DNAJC10: variants seen among roughly 807,000 people sequenced by gnomAD.
DNAJC10 encodes the protein DnaJ heat shock protein family (Hsp40) member C10.
Under a neutral mutation model 115.0 loss-of-function variants are expected in DNAJC10, and 101 were observed. The observed-to-expected ratio is 0.88, with a 90% confidence interval of 0.75 to 1.04. The LOEUF (loss-of-function observed/expected upper bound fraction) is 1.04. DNAJC10 is among the 50% of genes least tolerant of loss of function. DNAJC10 has a pLI of 0.00. For synonymous variants in DNAJC10, 307 were observed against 301.5 expected (o/e 1.02, Z -0.19); for missense variants, 981 against 928.8 (o/e 1.06, Z -0.73).
Position 182,771,047 on chromosome 2 carries a change from G to A in DNAJC10, c.2266-4269G>A, listed in dbSNP as rs1334313927. ...TTGAATTTTGTCAAAGGCCTTTTCT[G>A]CATCTATTGAGATAATCATGTAGTT... On this transcript the variant is annotated intron_variant, in intron 22 of 23. Coordinates refer to ENST00000264065, the MANE Select transcript of DNAJC10 (RefSeq NM_018981.4). Among the ~76,000 whole-genome samples the A allele has an allele frequency of 2.0e-5, 3 of 152,114 alleles. No homozygotes were observed. The East Asian group carries it at 5.8e-4, about 29-fold the overall frequency.
chr2:182,739,745 GT>G, intron 11 of DNAJC10: 1 of 1,002,564 alleles, frequency 1.0e-6, no homozygotes, highest in Non-Finnish European at 1.2e-6. Context: ...CTCCTAAGTG[GT>G]TTGGTTTTTA....
At chr2:182,748,365 TCTTTTTGTTTGGTAAG>T in intron 14 of DNAJC10, among the ~76,000 whole-genome samples, 1 of 152,348 alleles carries the variant, frequency 6.6e-6, no homozygotes, top group Admixed American at 6.5e-5. Context: ...GGTCCTGGAC[TCTTTTTGTTTGGTAAG>T]CTATTGATTA....
At position 182,762,718 on chromosome 2, in the gene DNAJC10, T is replaced by C; in HGVS notation, c.2182T>C (p.Cys728Arg). Reference sequence around the variant, plus strand: ...AAAAGTGAAAGCTGGAAAAGTAGACTGTCAGGCTTATGCTCAGACATGCCA... The same window carrying C: ...AAAAGTGAAAGCTGGAAAAGTAGACCGTCAGGCTTATGCTCAGACATGCCA... ...KGKVKAGKVD[C>R]QAYAQTCQKA... Residue 728 changes from cysteine to arginine, a missense_variant, in exon 22 of 24, where the codon TGT (cysteine) becomes CGT (arginine). Transcript: ENST00000264065. The C allele has an allele frequency of 6.2e-7, 1 of 1,612,700 alleles. No individual in the cohort carries two copies. Among genetic ancestry groups the C allele is most frequent in the East Asian group, 2.2e-5 (1 of 44,812 alleles).
rs1252093608 is a variant in DNAJC10, at chr2:182,791,779, CAT to C, written c.*14648_*14649del. ...AACAGGAGTTTAGTCATTTCAGTCACATGTTTCTAATACATGATAAGATTTGC... is the reference window on the plus strand; with the variant it reads ...AACAGGAGTTTAGTCATTTCAGTCACGTTTCTAATACATGATAAGATTTGC... On this transcript the variant is annotated 3_prime_UTR_variant, in exon 24 of 24. Coordinates refer to ENST00000264065, the MANE Select transcript of DNAJC10 (RefSeq NM_018981.4). 4.6e-5 allele frequency: 7 copies of C among 152,128 alleles called. No homozygotes were observed. Among genetic ancestry groups the C allele is most frequent in the East Asian group, 1.9e-4 (1 of 5,200 alleles). 9.4% of individuals were successfully genotyped at this position (152,128 alleles called of 1,614,324 possible). A position where few individuals can be genotyped will look rare whatever the true frequency, so the allele number is the denominator to read the frequency against.
At chr2:182,759,806 A>G (rs532775544) in intron 21 of DNAJC10, among the ~76,000 whole-genome samples, 66 of 152,188 alleles carry the variant, frequency 4.3e-4, no homozygotes, top group African/African-American at 1.5e-3. Context: ...ATTCCATACC[A>G]AAATCTGTGC....
In DNAJC10 at chr2:182,722,042, C is replaced by A; in HGVS notation, c.385C>A (p.Pro129Thr). ...AAAATTAGGTATTTATGATGATGAT[C>A]CTGAAATCATAACATTGGAAAGAAG... ...RYDFGIYDDDPEIITLERREF... is the reference protein window; with the variant it reads ...RYDFGIYDDDTEIITLERREF... The change falls in exon 5 of 24, where the codon CCT (proline) becomes ACT (threonine). Residue 129 changes from proline to threonine, a missense_variant. Coordinates refer to ENST00000264065, the MANE Select transcript of DNAJC10 (RefSeq NM_018981.4). 6.5e-7 allele frequency: 1 copy of A among 1,546,418 alleles called. No individual in the cohort carries two copies. The highest frequency in any genetic ancestry group is 8.8e-7 in the Non-Finnish European group (1 of 1,142,544).
intron 10 of DNAJC10, chr2:182,732,847 T>A: frequency 2.7e-6 from 1 of 371,414 alleles, no homozygotes; most frequent in Non-Finnish European, 4.8e-6. Context: ...TCTTTTGTTG[T>A]TTTCTTTTTT....
At chr2:182,768,731 A>T (rs1310072902) in intron 22 of DNAJC10, among the ~76,000 whole-genome samples, 1 of 152,092 alleles carries the variant, frequency 6.6e-6, no homozygotes, top group Non-Finnish European at 1.5e-5. Flanking sequence ...TAGGAGATAC[A>T]TGTTGCTTTC....
chr2:182,732,365 C>A lies in DNAJC10; in HGVS notation c.806-134C>A, dbSNP rs966708315. ...ATGTGTGTGTGTGTAGAAGGATTTC[C>A]ATATCTATCAATAGAGTCCAGCTCA... On this transcript the variant is annotated intron_variant, in intron 9 of 23. Coordinates refer to ENST00000264065, the MANE Select transcript of DNAJC10 (RefSeq NM_018981.4). 7.7e-6 allele frequency: 6 copies of A among 784,300 alleles called. No homozygotes were observed. In the Admixed American group the frequency reaches 1.2e-4, roughly 15 times the overall value. The allele number at this position is 784,300 out of a possible 1,614,324, so 48.6% of individuals were successfully genotyped here.
chr2:182,768,974 C>T (rs1268934819), intron 22 of DNAJC10, among the ~76,000 whole-genome samples: 1 of 152,112 alleles, frequency 6.6e-6, no homozygotes, highest in African/African-American at 2.4e-5. Flanking sequence ...ATCCCTCCCC[C>T]AGCCCTGAAC....
At chr2:182,765,716 C>T (rs1694394323) in intron 22 of DNAJC10, among the ~76,000 whole-genome samples, 2 of 152,062 alleles carry the variant, frequency 1.3e-5, no homozygotes, top group Non-Finnish European at 2.9e-5. Context: ...CCCCATATTC[C>T]CCGTTTTTTG....
In DNAJC10 at chr2:182,756,339, CCCTTA is replaced by C; in HGVS notation, c.1681_1685del (p.Leu561ThrfsTer20). 2 of 1,613,802 alleles carry C rather than the reference CCCTTA, an allele frequency of 1.2e-6. No individual in the cohort carries two copies. The highest frequency in any genetic ancestry group is 1.7e-6 in the Non-Finnish European group (2 of 1,179,770). On this transcript the variant is annotated frameshift_variant, in exon 18 of 24. Coordinates refer to ENST00000264065, the MANE Select transcript of DNAJC10 (RefSeq NM_018981.4). LOFTEE classifies it high-confidence loss of function. ...GATCTTATGAATCCTTCAGTGGTCT[CCCTTA>C]CACCCACCACCTTCAACGAACTAGT...
intron 5 of DNAJC10, among the ~76,000 whole-genome samples, chr2:182,728,100 G>C: frequency 6.6e-6 from 1 of 152,056 alleles, no homozygotes; most frequent in East Asian, 1.9e-4. Flanking sequence ...TATTCTTTCA[G>C]AGTTTACAGT....
rs1694800150 is a variant in DNAJC10, at chr2:182,779,741, T to G, written c.*2609T>G. Reference sequence around the variant, plus strand: ...AATTTTATATTCTCAAAATTTTCTTTAAATTTGCTCTGTTTTCTGACAGTG... The same window carrying G: ...AATTTTATATTCTCAAAATTTTCTTGAAATTTGCTCTGTTTTCTGACAGTG... On this transcript the variant is annotated 3_prime_UTR_variant, in exon 24 of 24. Coordinates refer to ENST00000264065, the MANE Select transcript of DNAJC10 (RefSeq NM_018981.4). 6.6e-6 allele frequency: 1 copy of G among 152,216 alleles called. No individual in the cohort carries two copies. Among genetic ancestry groups the G allele is most frequent in the Admixed American group, 6.5e-5 (1 of 15,272 alleles). The allele number at this position is 152,216 out of a possible 1,614,324, so 9.4% of individuals were successfully genotyped here.
At chr2:182,764,069 T>C (rs1337433903) in intron 22 of DNAJC10, among the ~76,000 whole-genome samples, 1 of 152,154 alleles carries the variant, frequency 6.6e-6, no homozygotes, top group East Asian at 1.9e-4. Context: ...ATAGTCGTGA[T>C]AAGCCCCTTG....
rs759486550 is a variant in DNAJC10, at chr2:182,755,038, C to T, written c.1587C>T (p.Phe529=). The T allele has an allele frequency of 1.2e-6, 2 of 1,608,772 alleles. No homozygotes were observed. The highest frequency in any genetic ancestry group is 2.2e-5 in the South Asian group (2 of 90,938). Residue 529 remains phenylalanine, a synonymous_variant, in exon 17 of 24, where the codon TTC becomes TTT. Transcript: ENST00000264065. ...NIQAYPTTVV[F]NQSNIHEYEG... The stretch of plus-strand genomic sequence containing the variant: ...AGGCTTATCCAACAACAGTGGTATT[C>T]AACCAGTCCAACATTCATGAGTATG...
chr2:182,720,039 A>T lies in DNAJC10; in HGVS notation c.237A>T (p.Lys79Asn). 1 of 1,582,382 alleles carries T rather than the reference A, an allele frequency of 6.3e-7. No individual in the cohort carries two copies. The highest frequency in any genetic ancestry group is 1.1e-5 in the South Asian group (1 of 87,936). ...NNPNAHGDFL[K>N]INRAYEVLKD... ...CAAATGCACATGGCGATTTTTTAAA[A>T]ATAAATAGAGCATATGAAGTACTCA... is the stretch of plus-strand genomic sequence containing the variant. Residue 79 changes from lysine to asparagine, a missense_variant, in exon 4 of 24, where the codon AAA (lysine) becomes AAT (asparagine). Transcript: ENST00000264065.
At chr2:182,744,879 G>T (rs1693822513) in intron 14 of DNAJC10, among the ~76,000 whole-genome samples, 1 of 152,118 alleles carries the variant, frequency 6.6e-6, no homozygotes, top group Non-Finnish European at 1.5e-5. Flanking sequence ...TTTAATAATG[G>T]AATAATACTC....
Position 182,734,382 on chromosome 2 carries a change from G to GTTA in DNAJC10, c.849+1843_849+1845dup, listed in dbSNP as rs889043615. On this transcript the variant is annotated intron_variant, in intron 10 of 23. Coordinates refer to ENST00000264065, the MANE Select transcript of DNAJC10 (RefSeq NM_018981.4). ...ATATTTTTTGTTCCTAATCATAAAGGTTATTTTTAAAAGTAATTTTGTTAT... is the reference window on the plus strand; with the variant it reads ...ATATTTTTTGTTCCTAATCATAAAGGTTATTATTTTTAAAAGTAATTTTGTTAT... Among the ~76,000 whole-genome samples, 30 of 151,336 alleles carry GTTA rather than the reference G, an allele frequency of 2.0e-4. No individual in the cohort carries two copies. The East Asian group carries it at 5.0e-3, about 25-fold the overall frequency.
Sources: gnomAD v4.1 joint callset for allele counts (sites outside exome capture counted in the v4.1 genomes callset) on GRCh38, gnomAD v4.1.1 for gene constraint, MANE v1.5 for transcripts, NCBI Gene and HGNC (gene_info 2026-07-23, HGNC 2026-07-21) for gene names.